Variants in RPH3AL observed in about 807,000 individuals in gnomAD.
RPH3AL encodes rab effector Noc2.
In RPH3AL, 38 loss-of-function variants were observed where a neutral mutation model predicts 43.1. That is an observed-to-expected ratio of 0.88 (90% CI 0.68 to 1.15). The LOEUF is 1.15. Ranked by LOEUF, RPH3AL falls within the 50% of genes most tolerant of loss-of-function variation. The pLI is 0.00. For synonymous variants in RPH3AL, 189 were observed against 176.3 expected, an observed-to-expected ratio of 1.07 and a Z score of -0.57; for missense variants, 462 against 423.2, an observed-to-expected ratio of 1.09 and a Z score of -0.81.
intron 5 of RPH3AL, among the ~76,000 whole-genome samples, chr17:316,490 T>C: frequency 6.6e-6 from 1 of 151,392 alleles, no homozygotes; most frequent in Non-Finnish European, 1.5e-5. Context: ...CCACCTCCAC[T>C]GACCTGTAGT....
chr17:269,271 C>T (rs1597979115), intron 6 of RPH3AL, among the ~76,000 whole-genome samples: 1 of 151,918 alleles, frequency 6.6e-6, no homozygotes, highest in Admixed American at 6.6e-5. Flanking sequence ...CTCAGCCTCC[C>T]AGAGTGCTGG....
intron 5 of RPH3AL, among the ~76,000 whole-genome samples, chr17:313,507 G>C (rs2043703589): frequency 6.6e-6 from 1 of 152,080 alleles, no homozygotes; most frequent in African/African-American, 2.4e-5. Context: ...CCCTCTGCCG[G>C]GAACACTGTT....
intron 6 of RPH3AL, among the ~76,000 whole-genome samples, chr17:248,258 T>C (rs12451407): frequency 0.45 from 68,816 of 151,980 alleles, 16,103 homozygotes; most frequent in Non-Finnish European, 0.47. Flanking sequence ...TCACTGCCCC[T>C]CGGGAGAGGG....
chr17:257,942 A>G (rs12600888), intron 6 of RPH3AL, among the ~76,000 whole-genome samples: 7,983 of 13,894 alleles, frequency 0.57, 2,598 homozygotes, highest in Middle Eastern at 0.73. Context: ...CACGGCGTCT[A>G]TCCTTTTCCA....
intron 6 of RPH3AL, among the ~76,000 whole-genome samples, chr17:272,489 G>A (rs1386128871): frequency 6.6e-6 from 1 of 150,608 alleles, no homozygotes; most frequent in Non-Finnish European, 1.5e-5. Flanking sequence ...ATCATTCTCA[G>A]CAAACTATCG....
At chr17:237,082 G>A (rs911529607) in intron 7 of RPH3AL, among the ~76,000 whole-genome samples, 9 of 152,218 alleles carry the variant, frequency 5.9e-5, no homozygotes, top group African/African-American at 1.7e-4. Flanking sequence ...AGCTCTTCCC[G>A]GAAGACAGGT....
At chr17:331,403 C>A (rs1336017669) in intron 2 of RPH3AL, 2 of 300,862 alleles carry the variant, frequency 6.6e-6, no homozygotes, top group African/African-American at 2.9e-5. Flanking sequence ...TGGCTGACCA[C>A]GTTCACAGGG....
At chr17:229,327 G>A (rs539045771) in intron 7 of RPH3AL, among the ~76,000 whole-genome samples, 1 of 152,332 alleles carries the variant, frequency 6.6e-6, no homozygotes, top group African/African-American at 2.4e-5. Context: ...CCCACTGCTG[G>A]GTTTTGGGCA....
intron 6 of RPH3AL, among the ~76,000 whole-genome samples, chr17:269,146 G>A (rs1053716572): frequency 6.6e-6 from 1 of 152,106 alleles, no homozygotes; most frequent in Non-Finnish European, 1.5e-5. Flanking sequence ...CTAAAGTGCT[G>A]GGATCACAGG....
At chr17:348,687 C>T (rs1015178832) in intron 1 of RPH3AL, among the ~76,000 whole-genome samples, 7 of 152,140 alleles carry the variant, frequency 4.6e-5, no homozygotes, top group African/African-American at 1.7e-4. Context: ...TATACCCTCC[C>T]GAATGCTTTT....
chr17:277,905 A>T (rs1054689990), intron 6 of RPH3AL, among the ~76,000 whole-genome samples: 4 of 152,062 alleles, frequency 2.6e-5, no homozygotes, highest in Admixed American at 6.6e-5. Context: ...CAGTGAGCTG[A>T]GATCGTGGCA....
chr17:263,883 T>A (rs750034354), intron 6 of RPH3AL, among the ~76,000 whole-genome samples: 13 of 151,702 alleles, frequency 8.6e-5, no homozygotes, highest in Non-Finnish European at 1.3e-4. Context: ...CCGCCCGGAG[T>A]CGGAATTGTG....
chr17:219,845 C>T, intron 7 of RPH3AL, 109 bp from the exon 8 acceptor site: 1 of 762,484 alleles, frequency 1.3e-6, no homozygotes, highest in Non-Finnish European at 2.3e-6. Context: ...CGTGGCGTAG[C>T]AGCTCAGCTG....
chr17:274,035 CTT>C lies in RPH3AL; in HGVS notation c.438+7731_438+7732del, dbSNP rs1452681714. 6.6e-6 allele frequency among the ~76,000 whole-genome samples: 1 copy of C among 152,172 alleles called. No individual in the cohort carries two copies. The highest frequency in any genetic ancestry group is 6.5e-5 in the Admixed American group (1 of 15,280). ...CCTGGGGAATCTAGATTCCAGTGAA[CTT>C]TTCTACTGATTACAGCATCACTTTG... On this transcript the variant is annotated intron_variant, in intron 6 of 9. Coordinates refer to ENST00000331302, the MANE Select transcript of RPH3AL (RefSeq NM_006987.4). The surrounding 1 kb of genome is among the most constrained non-coding windows in gnomAD (Gnocchi z 4.7).
At chr17:314,647 G>GTACTCCACGTCCAT (rs2043826646) in intron 5 of RPH3AL, among the ~76,000 whole-genome samples, 1 of 99,438 alleles carries the variant, frequency 1.0e-5, no homozygotes, top group Non-Finnish European at 2.3e-5. Flanking sequence ...TGTAGTCCCT[G>GTACTCCACGTCCAT]TGACTCCACC....
chr17:317,813 C>A (rs1272581571), intron 5 of RPH3AL, among the ~76,000 whole-genome samples: 3 of 152,120 alleles, frequency 2.0e-5, no homozygotes, highest in Non-Finnish European at 4.4e-5. Flanking sequence ...CTGAAAATGC[C>A]CTCAAGTTTG....
At chr17:252,193 T>C (rs1211524652) in intron 6 of RPH3AL, among the ~76,000 whole-genome samples, 4 of 152,114 alleles carry the variant, frequency 2.6e-5, no homozygotes, top group African/African-American at 9.7e-5. Context: ...CAGGCTGGTC[T>C]CTAACTCCTG....
At position 274,727 on chromosome 17, in the gene RPH3AL, T is replaced by C. The variant is rs556644604; in HGVS notation, c.438+7041A>G. Reference sequence around the variant, plus strand: ...AAGGGAGGGGCTATGAGGAGACGCCTTGGAGTCAATCCTGGGTCTGCGGGG... The same window carrying C: ...AAGGGAGGGGCTATGAGGAGACGCCCTGGAGTCAATCCTGGGTCTGCGGGG... On this transcript the variant is annotated intron_variant, in intron 6 of 9. Transcript: ENST00000331302. This position sits in a 1 kb window ranked among gnomAD's most constrained non-coding sequence, Gnocchi z 4.7. 7.2e-5 allele frequency among the ~76,000 whole-genome samples: 11 copies of C among 152,262 alleles called. No homozygotes were observed. The East Asian group carries it at 2.1e-3, about 29-fold the overall frequency.
At chr17:281,944 G>A in intron 5 of RPH3AL, 90 bp from the exon 6 acceptor site, 8 of 943,764 alleles carry the variant, frequency 8.5e-6, no homozygotes, top group Non-Finnish European at 1.4e-5. Flanking sequence ...GGGACACTTA[G>A]CATCTTCCAA....
Sources: gnomAD v4.1 joint callset for allele counts (sites outside exome capture counted in the v4.1 genomes callset) on GRCh38, gnomAD v4.1.1 for gene constraint, Gnocchi (gnomAD v3.1) non-coding constraint, MANE v1.5 for transcripts, NCBI Gene and HGNC (gene_info 2026-07-23, HGNC 2026-07-21) for gene names.